Variants in PAGE1 observed in about 807,000 individuals in gnomAD.
PAGE1 encodes the protein P antigen family member 1.
A neutral mutation model predicts 11.5 loss-of-function variants in PAGE1; 6 were observed. The observed-to-expected ratio is 0.52, with a 90% confidence interval of 0.29 to 1.03. The LOEUF (loss-of-function observed/expected upper bound fraction) is 1.03, where lower values mean the gene tolerates loss of function less well. Among genes scored for constraint, PAGE1 ranks in the 50% least tolerant of loss-of-function variants. The pLI, the probability that PAGE1 is intolerant of heterozygous loss-of-function variation, is 0.09. For synonymous variants in PAGE1, 42 were observed against 40.2 expected (o/e 1.05, Z -0.17); for missense variants, 120 against 110.2 (o/e 1.09, Z -0.40).
At chrX:49,692,656 C>T (rs1187056267) in intron 3 of PAGE1, among the ~76,000 whole-genome samples, 5 of 109,984 alleles carry the variant, frequency 4.5e-5, no homozygotes, top group African/African-American at 1.7e-4. Flanking sequence ...AAAAAATACA[C>T]ATAACATAAA....
At chrX:49,689,781 T>A (rs1471705916) in intron 4 of PAGE1, among the ~76,000 whole-genome samples, 4 of 63,849 alleles carry the variant, frequency 6.3e-5, no homozygotes, top group Non-Finnish European at 1.1e-4. Flanking sequence ...TGTGTATATA[T>A]ACACACATAT....
At position 49,687,474 on chromosome X, in the gene PAGE1, T is replaced by C. The variant is rs1602793737; in HGVS notation, c.*67A>G. 1 of 1,042,417 alleles carries C rather than the reference T, an allele frequency of 9.6e-7. No individual in the cohort carries two copies. Among genetic ancestry groups the C allele is most frequent in the East Asian group, 3.0e-5 (1 of 33,012 alleles). The allele number at this position is 1,042,417 out of a possible 1,213,427, so 85.9% of individuals were successfully genotyped here. A position where few individuals can be genotyped will look rare whatever the true frequency, so the allele number is the denominator to read the frequency against. On this transcript the variant is annotated 3_prime_UTR_variant, in exon 6 of 6. Coordinates refer to ENST00000376150, the MANE Select transcript of PAGE1 (RefSeq NM_003785.4). ...CTTTGCAGAAGGCTGTAAAGCTTTATTGGGAGAATTTTAATGGTCAAATTT... is the reference window on the plus strand; with the variant it reads ...CTTTGCAGAAGGCTGTAAAGCTTTACTGGGAGAATTTTAATGGTCAAATTT...
intron 2 of PAGE1, 120 bp from the exon 3 acceptor site, chrX:49,694,321 A>G (rs2066932846): frequency 2.3e-6 from 1 of 437,827 alleles, no homozygotes; most frequent in Admixed American, 4.0e-5. Context: ...TCATAACTAA[A>G]CCTAAAAATA....
chrX:49,689,204 G>A (rs2066894376), intron 5 of PAGE1, among the ~76,000 whole-genome samples: 1 of 108,755 alleles, frequency 9.2e-6, no homozygotes, highest in Non-Finnish European at 1.9e-5. Flanking sequence ...AGCTGGGCGT[G>A]GTGGAGCACG....
Position 49,687,487 on chromosome X carries a change from A to G in PAGE1, c.*54T>C. On this transcript the variant is annotated 3_prime_UTR_variant, in exon 6 of 6. Transcript: ENST00000376150. ...TGTAAAGCTTTATTGGGAGAATTTT[A>G]ATGGTCAAATTTCCAACACAGGAGC... 2 of 1,133,614 alleles carry G rather than the reference A, an allele frequency of 1.8e-6. No individual in the cohort carries two copies. The highest frequency in any genetic ancestry group is 3.7e-5 in the South Asian group (2 of 54,570). 93.4% of individuals were successfully genotyped at this position (1,133,614 alleles called of 1,213,427 possible). A position where few individuals can be genotyped will look rare whatever the true frequency, so the allele number is the denominator to read the frequency against.
At chrX:49,691,125 C>G (rs1421998460) in intron 4 of PAGE1, 124 bp downstream of exon 4, 30 of 654,230 alleles carry the variant, frequency 4.6e-5, no homozygotes, top group Non-Finnish European at 5.8e-5. Flanking sequence ...TTGCAGTGAG[C>G]CAAGATTGAG....
rs184233808 is a variant in PAGE1, at chrX:49,692,568, T to C, written c.167-1194A>G. 7.2e-3 allele frequency among the ~76,000 whole-genome samples: 797 copies of C among 111,191 alleles called. 8 individuals carry two copies. The highest frequency in any genetic ancestry group is 0.024 in the African/African-American group (750 of 30,659). ...CTACAAATGTTATGTCTTGAAAATA[T>C]ATAAAGTAAAAACTTGTAAGAATAT... On this transcript the variant is annotated intron_variant, in intron 3 of 5. Transcript: ENST00000376150.
intron 5 of PAGE1, among the ~76,000 whole-genome samples, chrX:49,688,234 A>T (rs548213576): frequency 7.7e-4 from 86 of 112,372 alleles, no homozygotes; most frequent in Admixed American, 1.2e-3. Flanking sequence ...TATAAAAAAA[A>T]TTTTTTAACA....
intron 3 of PAGE1, among the ~76,000 whole-genome samples, chrX:49,691,724 A>T (rs781994710): frequency 8.9e-6 from 1 of 111,873 alleles, no homozygotes; most frequent in African/African-American, 3.3e-5. Flanking sequence ...CTAGCAAGTT[A>T]TATGGCATGA....
intron 3 of PAGE1, among the ~76,000 whole-genome samples, chrX:49,692,158 T>A (rs923534338): frequency 1.8e-5 from 2 of 108,720 alleles, no homozygotes; most frequent in South Asian, 3.9e-4. Context: ...AAAAAAAAAA[T>A]AAGAAAGAAA....
At chrX:49,694,633 A>T (rs1474609255) in intron 2 of PAGE1, 75 bp downstream of exon 2, 1 of 658,367 alleles carries the variant, frequency 1.5e-6, no homozygotes, top group Non-Finnish European at 2.3e-6. Flanking sequence ...CAACAACACT[A>T]TCACAAAAAT....
intron 1 of PAGE1, 41 bp from the exon 2 acceptor site, chrX:49,694,819 G>A (rs1251336929): frequency 1.3e-6 from 1 of 749,303 alleles, no homozygotes; most frequent in Non-Finnish European, 2.0e-6. Context: ...GCACTTGAGA[G>A]GACAGCTATA....
intron 4 of PAGE1, among the ~76,000 whole-genome samples, chrX:49,690,752 T>C (rs1727271624): frequency 9.0e-6 from 1 of 110,816 alleles, no homozygotes; most frequent in African/African-American, 3.3e-5. Context: ...GGGCCAGGCA[T>C]GGTGGCTCAC....
intron 4 of PAGE1, 42 bp downstream of exon 4, chrX:49,691,207 A>G: frequency 8.4e-7 from 1 of 1,188,803 alleles, no homozygotes; most frequent in African/African-American, 1.8e-5. Context: ...AATACTGTGG[A>G]AACAGACACC....
At chrX:49,689,160 G>T (rs373499062) in intron 5 of PAGE1, among the ~76,000 whole-genome samples, 1 of 109,268 alleles carries the variant, frequency 9.2e-6, no homozygotes, top group Non-Finnish European at 1.9e-5. Flanking sequence ...ATGCAAAATG[G>T]CAAAACCTCG....
intron 4 of PAGE1, among the ~76,000 whole-genome samples, chrX:49,690,130 TACACA>T (rs2066914757): frequency 2.3e-5 from 2 of 86,736 alleles, no homozygotes; most frequent in Admixed American, 1.3e-4. Context: ...TGTGTATATA[TACACA>T]TATATATGTG....
intron 1 of PAGE1, among the ~76,000 whole-genome samples, 157 bp downstream of exon 1, chrX:49,695,712 G>A (rs2066939443): frequency 8.9e-6 from 1 of 112,087 alleles, no homozygotes; most frequent in Admixed American, 9.4e-5. Context: ...AGCCTGTGAG[G>A]AGAAGGAGGA....
At chrX:49,692,238 TTGTTAAA>T (rs1297670063) in intron 3 of PAGE1, among the ~76,000 whole-genome samples, 1 of 112,289 alleles carries the variant, frequency 8.9e-6, no homozygotes, top group Non-Finnish European at 1.9e-5. Flanking sequence ...CAGGTTCTCA[TTGTTAAA>T]TGTCCTGAGT....
chrX:49,692,752 CAT>C (rs1402839596), intron 3 of PAGE1, among the ~76,000 whole-genome samples: 1 of 110,259 alleles, frequency 9.1e-6, no homozygotes, highest in African/African-American at 3.3e-5. Flanking sequence ...ACAAACTTTA[CAT>C]GTTTGTTTTC....
Sources: gnomAD v4.1 joint callset for allele counts (sites outside exome capture counted in the v4.1 genomes callset) on GRCh38, gnomAD v4.1.1 for gene constraint, MANE v1.5 for transcripts, NCBI Gene and HGNC (gene_info 2026-07-23, HGNC 2026-07-21) for gene names.